The following PDE4D variants were observed in gnomAD, a reference collection of about 807,000 sequenced individuals.
PDE4D encodes the protein phosphodiesterase 4D, also known as 3',5'-cyclic-AMP phosphodiesterase 4D.
Under a neutral mutation model 87.4 loss-of-function variants are expected in PDE4D, and 24 were observed. The ratio of observed to expected loss-of-function variants is 0.27; its 90% CI spans 0.20 to 0.39. The LOEUF is 0.39. PDE4D is among the 10% of genes least tolerant of loss of function. The pLI is 1.00. For synonymous variants in PDE4D, 384 were observed against 383.2 expected, an observed-to-expected ratio of 1.00 and a Z score of -0.02; for missense variants, 714 against 1,041.0, an observed-to-expected ratio of 0.69 and a Z score of 4.32.
At position 59,651,270 on chromosome 5, in the gene PDE4D, T is replaced by G. The variant is rs549479806; in HGVS notation, c.455+241898A>C. Among the ~76,000 whole-genome samples, 22 of 138,366 alleles carry G rather than the reference T, an allele frequency of 1.6e-4. 1 individual carries two copies. The East Asian group carries it at 2.8e-3, about 17-fold the overall frequency. 90.8% of individuals were successfully genotyped at this position (138,366 alleles called of 152,430 possible). On this transcript the variant is annotated intron_variant, in intron 1 of 14. Transcript: ENST00000340635. ...GACTCTGTCTCAACAATAATAATAATAATAATAATAATAATAATAATAATA... is the reference window on the plus strand; with the variant it reads ...GACTCTGTCTCAACAATAATAATAAGAATAATAATAATAATAATAATAATA...
At chr5:59,326,951 A>T (rs948077582) in intron 1 of PDE4D, among the ~76,000 whole-genome samples, 1 of 152,160 alleles carries the variant, frequency 6.6e-6, no homozygotes, top group Non-Finnish European at 1.5e-5. Flanking sequence ...TCAGTTTGAT[A>T]AATATTTCTG....
chr5:59,543,640 C>T (rs191417372), intron 1 of PDE4D, among the ~76,000 whole-genome samples: 2 of 152,236 alleles, frequency 1.3e-5, no homozygotes, highest in African/African-American at 2.4e-5. Context: ...ACTTTTCTGG[C>T]TAGGCATCCT....
chr5:59,504,939 T>TGTGTGC (rs1170300694), intron 1 of PDE4D, among the ~76,000 whole-genome samples: 9 of 134,786 alleles, frequency 6.7e-5, no homozygotes, highest in East Asian at 4.0e-4. Context: ...TGTGTGTGTG[T>TGTGTGC]GCGTGCGCGT....
At chr5:59,672,397 C>A (rs1747366867) in intron 1 of PDE4D, among the ~76,000 whole-genome samples, 1 of 152,092 alleles carries the variant, frequency 6.6e-6, no homozygotes, top group Non-Finnish European at 1.5e-5. Context: ...GTTTATATCA[C>A]CCACAAAACA....
At chr5:59,096,078 G>A (rs1277459424) in intron 5 of PDE4D, among the ~76,000 whole-genome samples, 1 of 152,192 alleles carries the variant, frequency 6.6e-6, no homozygotes. Flanking sequence ...GGAGATGGGG[G>A]AATCTGTGGG....
chr5:60,368,532 T>C (rs1041449422), intron 1 of PDE4D, among the ~76,000 whole-genome samples: 5 of 152,176 alleles, frequency 3.3e-5, no homozygotes, highest in Non-Finnish European at 7.4e-5. Flanking sequence ...GTGCTTTCCT[T>C]TGCTCTAGCA....
intron 2 of PDE4D, among the ~76,000 whole-genome samples, chr5:60,077,048 T>C (rs894260310): frequency 1.8e-4 from 27 of 152,200 alleles, no homozygotes; most frequent in African/African-American, 6.5e-4. Context: ...TGTGTTTTCA[T>C]GCAGGCAGTG....
At chr5:59,140,511 T>C (rs56806392) in intron 5 of PDE4D, among the ~76,000 whole-genome samples, 5,926 of 152,300 alleles carry the variant, frequency 0.039, 350 homozygotes, top group African/African-American at 0.12. Context: ...CAGATTCTTA[T>C]GTACACATTC....
intron 1 of PDE4D, among the ~76,000 whole-genome samples, chr5:59,882,273 G>GT (rs1200577742): frequency 1.3e-5 from 2 of 152,160 alleles, no homozygotes; most frequent in African/African-American, 4.8e-5. Flanking sequence ...TTTCTGGACA[G>GT]TAGAGACCCC....
At chr5:59,196,283 A>G (rs1745442251) in intron 2 of PDE4D, among the ~76,000 whole-genome samples, 1 of 152,222 alleles carries the variant, frequency 6.6e-6, no homozygotes, top group African/African-American at 2.4e-5. Flanking sequence ...ACACGCAGGT[A>G]GTAAGCTGCA....
At chr5:60,333,254 C>T (rs1299336063) in intron 1 of PDE4D, among the ~76,000 whole-genome samples, 1 of 152,208 alleles carries the variant, frequency 6.6e-6, no homozygotes, top group African/African-American at 2.4e-5. Flanking sequence ...ATCCCCAAGG[C>T]TAACAGCTTA....
intron 6 of PDE4D, among the ~76,000 whole-genome samples, chr5:59,020,368 G>T (rs1218093837): frequency 6.6e-6 from 1 of 152,060 alleles, no homozygotes; most frequent in Non-Finnish European, 1.5e-5. Flanking sequence ...CACTACTCAG[G>T]AGGCTGAGGC....
chr5:59,502,524 A>C (rs967654308), intron 1 of PDE4D, among the ~76,000 whole-genome samples: 2 of 152,148 alleles, frequency 1.3e-5, no homozygotes, highest in Admixed American at 6.6e-5. Flanking sequence ...GATATATCTA[A>C]TGAAACATAA....
chr5:59,094,313 G>C (rs185788397), intron 5 of PDE4D, among the ~76,000 whole-genome samples: 65 of 150,524 alleles, frequency 4.3e-4, no homozygotes, highest in Admixed American at 1.4e-3. Context: ...AGTAAGGTTG[G>C]AAAATAAAAA....
At chr5:59,944,144 G>A (rs1245258686) in intron 3 of PDE4D, among the ~76,000 whole-genome samples, 4 of 152,328 alleles carry the variant, frequency 2.6e-5, no homozygotes, top group African/African-American at 9.6e-5. Flanking sequence ...ACTTAATGCC[G>A]TGGAGTCAAG....
chr5:59,571,270 T>C (rs138209422), intron 1 of PDE4D, among the ~76,000 whole-genome samples: 2,694 of 152,324 alleles, frequency 0.018, 86 homozygotes, highest in African/African-American at 0.06. Context: ...TCCTAAATAC[T>C]GTACTCAGCA....
intron 1 of PDE4D, among the ~76,000 whole-genome samples, chr5:59,665,593 A>T (rs1382194168): frequency 6.6e-6 from 1 of 152,236 alleles, no homozygotes; most frequent in Non-Finnish European, 1.5e-5. Context: ...CAATTATTGC[A>T]GCATAACTTA....
At chr5:59,078,541 C>T (rs984579431) in intron 5 of PDE4D, among the ~76,000 whole-genome samples, 3 of 148,574 alleles carry the variant, frequency 2.0e-5, no homozygotes, top group Non-Finnish European at 4.4e-5. Context: ...CAGGGTCTCA[C>T]TTCAACACCC....
At chr5:59,376,786 A>G (rs1345452778) in intron 1 of PDE4D, among the ~76,000 whole-genome samples, 1 of 152,182 alleles carries the variant, frequency 6.6e-6, no homozygotes, top group Non-Finnish European at 1.5e-5. Context: ...TTCAAACTAT[A>G]CTACAGGGCC....
Sources: gnomAD v4.1 joint callset for allele counts (sites outside exome capture counted in the v4.1 genomes callset) on GRCh38, gnomAD v4.1.1 for gene constraint, MANE v1.5 for transcripts, NCBI Gene and HGNC (gene_info 2026-07-23, HGNC 2026-07-21) for gene names.